CHST9: variants seen among roughly 807,000 people sequenced by gnomAD.
The protein encoded by CHST9 is GalNAc-4-sulfotransferase 2.
A neutral mutation model predicts 44.4 loss-of-function variants in CHST9; 41 were observed. The observed-to-expected ratio is 0.92, with a 90% confidence interval of 0.72 to 1.20. The LOEUF (loss-of-function observed/expected upper bound fraction) is 1.20. Ranked by LOEUF, CHST9 falls within the 50% of genes most tolerant of loss-of-function variation. The pLI is 0.00. For synonymous variants in CHST9, 171 were observed against 178.4 expected, an observed-to-expected ratio of 0.96 and a Z score of 0.33; for missense variants, 504 against 516.5, an observed-to-expected ratio of 0.98 and a Z score of 0.23.
chr18:26,987,271 G>A (rs1327009159), intron 4 of CHST9, among the ~76,000 whole-genome samples: 1 of 152,174 alleles, frequency 6.6e-6, no homozygotes, highest in African/African-American at 2.4e-5. Context: ...GGCTCTCTTT[G>A]CACGTGTCTG....
At chr18:27,036,408 A>G (rs898138837) in intron 3 of CHST9, among the ~76,000 whole-genome samples, 1 of 152,246 alleles carries the variant, frequency 6.6e-6, no homozygotes, top group Non-Finnish European at 1.5e-5. Context: ...ACCTCTGGGA[A>G]TACAATGTAA....
intron 2 of CHST9, among the ~76,000 whole-genome samples, chr18:27,099,835 T>C (rs1375451799): frequency 6.6e-6 from 1 of 152,026 alleles, no homozygotes; most frequent in Non-Finnish European, 1.5e-5. Context: ...TCAAAGGACT[T>C]AAAACAGAAC....
chr18:27,092,302 T>A (rs1437704585), intron 2 of CHST9, among the ~76,000 whole-genome samples: 2 of 152,182 alleles, frequency 1.3e-5, no homozygotes, highest in Non-Finnish European at 2.9e-5. Flanking sequence ...CCCTTTATGA[T>A]TTTTTGTTGC....
intron 4 of CHST9, among the ~76,000 whole-genome samples, chr18:26,969,368 C>CTGTGTGTGTGTGTGTGTGTGTG (rs1435153900): frequency 1.8e-4 from 17 of 94,016 alleles, no homozygotes; most frequent in African/African-American, 6.1e-4. Context: ...GATTCTCTCT[C>CTGTGTGTGTGTGTGTGTGTGTG]TCTCTCTCTG....
chr18:27,051,756 G>A (rs900576283), intron 2 of CHST9, among the ~76,000 whole-genome samples: 1 of 152,216 alleles, frequency 6.6e-6, no homozygotes. Context: ...AACCATGTGA[G>A]CTGATAAGTT....
At chr18:27,078,290 T>C (rs2057925845) in intron 2 of CHST9, among the ~76,000 whole-genome samples, 1 of 152,162 alleles carries the variant, frequency 6.6e-6, no homozygotes, top group South Asian at 2.1e-4. Context: ...CTGAGGTTCA[T>C]TATGAGCATT....
chr18:26,962,001 C>G (rs959402886), intron 4 of CHST9, among the ~76,000 whole-genome samples: 2 of 152,148 alleles, frequency 1.3e-5, no homozygotes, highest in Non-Finnish European at 2.9e-5. Context: ...GGGAGACACA[C>G]AGGACAGATT....
At position 26,911,510 on chromosome 18, in the gene CHST9, G is replaced by C. The variant is rs568064740; in HGVS notation, c.*4749C>G. On this transcript the variant is annotated 3_prime_UTR_variant, in exon 6 of 6. Transcript: ENST00000618847. ...TTCTGCCTATCAGGGAGCTCATAAA[G>C]AGATGAGATTTTGAAATTGAATAAT... 6.6e-6 allele frequency: 1 copy of C among 152,320 alleles called. No individual in the cohort carries two copies. Among genetic ancestry groups the C allele is most frequent in the African/African-American group, 2.4e-5 (1 of 41,574 alleles). 9.4% of individuals were successfully genotyped at this position (152,320 alleles called of 1,614,324 possible). A position where few individuals can be genotyped will look rare whatever the true frequency, so the allele number is the denominator to read the frequency against.
intron 3 of CHST9, among the ~76,000 whole-genome samples, chr18:27,043,761 G>C (rs2057470273): frequency 6.6e-6 from 1 of 152,060 alleles, no homozygotes; most frequent in Non-Finnish European, 1.5e-5. Context: ...AGAAAATGCA[G>C]ATGGATTCTG....
intron 2 of CHST9, among the ~76,000 whole-genome samples, chr18:27,065,584 C>CTT (rs56023514): frequency 0.012 from 1,536 of 128,674 alleles, 25 homozygotes; most frequent in South Asian, 0.023. Context: ...TCGTTCACTG[C>CTT]TTTTTTTTTT....
At chr18:27,128,163 T>C (rs1255402671) in intron 2 of CHST9, among the ~76,000 whole-genome samples, 3 of 152,226 alleles carry the variant, frequency 2.0e-5, no homozygotes, top group South Asian at 4.1e-4. Context: ...CTGGCTGATC[T>C]TGGGGATGAA....
At chr18:27,043,408 C>A (rs147688890) in intron 3 of CHST9, among the ~76,000 whole-genome samples, 1 of 151,920 alleles carries the variant, frequency 6.6e-6, no homozygotes, top group African/African-American at 2.4e-5. Flanking sequence ...AACATAGATA[C>A]GACTTAATTT....
chr18:27,070,846 T>A (rs2057831408), intron 2 of CHST9, among the ~76,000 whole-genome samples: 1 of 152,250 alleles, frequency 6.6e-6, no homozygotes. Flanking sequence ...AGCTAAATTT[T>A]CCAAGTTTGC....
intron 1 of CHST9, among the ~76,000 whole-genome samples, chr18:27,158,108 G>GT (rs768828252): frequency 6.6e-6 from 1 of 151,646 alleles, no homozygotes; most frequent in Non-Finnish European, 1.5e-5. Flanking sequence ...TTGTTTTTTT[G>GT]TTTTTTTAAT....
At chr18:27,076,608 G>A (rs1284937619) in intron 2 of CHST9, among the ~76,000 whole-genome samples, 1 of 152,160 alleles carries the variant, frequency 6.6e-6, no homozygotes, top group East Asian at 1.9e-4. Flanking sequence ...GTTTTCATTA[G>A]TGTATACCCG....
At chr18:27,158,586 G>A (rs895461836) in intron 1 of CHST9, among the ~76,000 whole-genome samples, 31 of 152,088 alleles carry the variant, frequency 2.0e-4, no homozygotes, top group Non-Finnish European at 3.7e-4. Flanking sequence ...TGTCTTTATA[G>A]CAGCATGATT....
At chr18:27,064,918 T>C (rs2057764581) in intron 2 of CHST9, among the ~76,000 whole-genome samples, 2 of 152,188 alleles carry the variant, frequency 1.3e-5, no homozygotes, top group Non-Finnish European at 2.9e-5. Flanking sequence ...ATGCCACCTC[T>C]TTAGCAGGGC....
intron 2 of CHST9, among the ~76,000 whole-genome samples, chr18:27,085,357 T>C (rs1296455269): frequency 6.6e-6 from 1 of 152,066 alleles, no homozygotes; most frequent in East Asian, 1.9e-4. Flanking sequence ...AAGAAAATAT[T>C]TGCAAACTAT....
chr18:27,179,187 C>T (rs982564194), intron 1 of CHST9, among the ~76,000 whole-genome samples: 1 of 151,646 alleles, frequency 6.6e-6, no homozygotes, highest in Non-Finnish European at 1.5e-5. Context: ...TAAAATATTA[C>T]CCAGCATGTA....
Sources: allele counts gnomAD v4.1 joint callset (sites outside exome capture counted in the v4.1 genomes callset), GRCh38; gene constraint gnomAD v4.1.1; transcripts MANE v1.5; gene names NCBI Gene and HGNC (gene_info 2026-07-23, HGNC 2026-07-21).